Variants in FSHR observed in about 807,000 individuals in gnomAD.
FSHR encodes the protein follicle stimulating hormone receptor, also known as follicle-stimulating hormone receptor.
A neutral mutation model predicts 52.1 loss-of-function variants in FSHR; 46 were observed. The ratio of observed to expected loss-of-function variants is 0.88; its 90% CI spans 0.70 to 1.13. The LOEUF is 1.13. Ranked by LOEUF, FSHR falls within the 50% of genes most tolerant of loss-of-function variation. The pLI is 0.00. For missense variants in FSHR, 964 were observed against 834.6 expected (o/e 1.16, Z -1.91); for synonymous variants, 399 against 309.6 (o/e 1.29, Z -3.03).
rs1415334848 is a variant in FSHR, at chr2:48,968,974, G to A, written c.669-91C>T. ...CAGGCAAAATAGCAGACACACTAGTGATATTCTTACATGGATGAGGAGAGA... is the reference window on the plus strand; with the variant it reads ...CAGGCAAAATAGCAGACACACTAGTAATATTCTTACATGGATGAGGAGAGA... On this transcript the variant is annotated intron_variant, in intron 8 of 9. Coordinates refer to ENST00000406846, the MANE Select transcript of FSHR (RefSeq NM_000145.4). 5 of 1,142,430 alleles carry A rather than the reference G, an allele frequency of 4.4e-6. No homozygotes were observed. The African/African-American group carries it at 7.7e-5, about 18-fold the overall frequency. 70.8% of individuals were successfully genotyped at this position (1,142,430 alleles called of 1,614,324 possible).
intron 9 of FSHR, among the ~76,000 whole-genome samples, chr2:48,967,779 T>C (rs1020019165): frequency 3.9e-5 from 6 of 152,234 alleles, no homozygotes; most frequent in Non-Finnish European, 7.3e-5. Context: ...CATGGACTGG[T>C]CAATGTATGT....
chr2:49,094,354 T>A (rs1433456651), intron 1 of FSHR, among the ~76,000 whole-genome samples: 1 of 152,204 alleles, frequency 6.6e-6, no homozygotes, highest in Non-Finnish European at 1.5e-5. Flanking sequence ...AATACATATT[T>A]AAATAATTTA....
intron 2 of FSHR, among the ~76,000 whole-genome samples, chr2:49,051,612 G>T (rs1325242969): frequency 6.6e-6 from 1 of 151,896 alleles, no homozygotes; most frequent in Non-Finnish European, 1.5e-5. Flanking sequence ...ATGTATTGCA[G>T]ATATTTTCTC....
intron 1 of FSHR, among the ~76,000 whole-genome samples, chr2:49,141,412 T>C (rs575199092): frequency 6.6e-6 from 1 of 152,088 alleles, no homozygotes; most frequent in East Asian, 1.9e-4. Flanking sequence ...TAATGAAAGT[T>C]GAAGGAGGAA....
chr2:49,088,407 A>C (rs1670478293), intron 1 of FSHR, among the ~76,000 whole-genome samples: 1 of 152,260 alleles, frequency 6.6e-6, no homozygotes, highest in South Asian at 2.1e-4. Flanking sequence ...AAATTTTACC[A>C]GAAATTCTTC....
intron 4 of FSHR, among the ~76,000 whole-genome samples, chr2:49,014,020 C>A (rs2103399): frequency 1 from 152,110 of 152,192 alleles, 76,014 homozygotes; most frequent in Middle Eastern, 1. Flanking sequence ...CTGTCTGTAA[C>A]CCAGGAAGAG....
At chr2:48,983,599 G>A (rs773380647) in intron 6 of FSHR, among the ~76,000 whole-genome samples, 1 of 152,170 alleles carries the variant, frequency 6.6e-6, no homozygotes, top group Non-Finnish European at 1.5e-5. Flanking sequence ...CTTTCTCTAA[G>A]GCCTTAAGCC....
chr2:49,129,403 A>T (rs1672180921), intron 1 of FSHR, among the ~76,000 whole-genome samples: 1 of 152,188 alleles, frequency 6.6e-6, no homozygotes, highest in African/African-American at 2.4e-5. Context: ...TGGAATGCAG[A>T]TCTTCAGTAC....
intron 1 of FSHR, among the ~76,000 whole-genome samples, chr2:49,082,249 A>G (rs1670199644): frequency 2.0e-5 from 3 of 152,188 alleles, no homozygotes; most frequent in African/African-American, 7.2e-5. Context: ...GACACCTCAC[A>G]CAGCCGGGTA....
intron 4 of FSHR, among the ~76,000 whole-genome samples, chr2:49,011,619 T>A (rs4494797): frequency 0.64 from 96,752 of 151,960 alleles, 33,898 homozygotes; most frequent in East Asian, 0.77. Flanking sequence ...GTCTAAACAT[T>A]TGTTTTAACT....
chr2:49,052,569 G>A (rs1668905617), intron 2 of FSHR, among the ~76,000 whole-genome samples: 1 of 152,124 alleles, frequency 6.6e-6, no homozygotes, highest in Admixed American at 6.6e-5. Context: ...AGTTCTCCAG[G>A]GGATTCTAAA....
At chr2:49,031,606 T>G (rs1020684660) in intron 2 of FSHR, among the ~76,000 whole-genome samples, 1 of 152,190 alleles carries the variant, frequency 6.6e-6, no homozygotes, top group Non-Finnish European at 1.5e-5. Flanking sequence ...GCACTCTAGT[T>G]CCAGGGGTCT....
chr2:49,089,636 C>T (rs542626893), intron 1 of FSHR, among the ~76,000 whole-genome samples: 1 of 152,118 alleles, frequency 6.6e-6, no homozygotes, highest in Non-Finnish European at 1.5e-5. Flanking sequence ...AGGATCAAAA[C>T]CTTGCATTTA....
intron 1 of FSHR, among the ~76,000 whole-genome samples, chr2:49,152,708 A>G (rs1673107387): frequency 6.6e-6 from 1 of 152,142 alleles, no homozygotes; most frequent in African/African-American, 2.4e-5. Flanking sequence ...GAAACATTGG[A>G]AAAAGTGGAG....
At chr2:49,111,728 G>A (rs1225019522) in intron 1 of FSHR, among the ~76,000 whole-genome samples, 1 of 152,108 alleles carries the variant, frequency 6.6e-6, no homozygotes, top group Non-Finnish European at 1.5e-5. Context: ...TCTATTATGA[G>A]TTTTCACAGA....
At chr2:48,995,137 G>A (rs911488866) in intron 4 of FSHR, among the ~76,000 whole-genome samples, 4 of 152,096 alleles carry the variant, frequency 2.6e-5, no homozygotes, top group Admixed American at 2.6e-4. Flanking sequence ...AACAGGGTCT[G>A]TGTTTGCTTG....
At chr2:48,968,561 G>T in intron 9 of FSHR, 137 bp downstream of exon 9, 1 of 997,100 alleles carries the variant, frequency 1.0e-6, no homozygotes, top group Non-Finnish European at 1.5e-6. Context: ...CTGAATTTTT[G>T]ACCCAGAATG....
chr2:49,068,955 G>T (rs769353102), intron 1 of FSHR, among the ~76,000 whole-genome samples: 7 of 151,940 alleles, frequency 4.6e-5, no homozygotes, highest in Non-Finnish European at 7.4e-5. Context: ...CCTGGATTCT[G>T]CTTACTGATA....
chr2:48,992,125 C>T (rs558059340), intron 4 of FSHR, among the ~76,000 whole-genome samples: 4 of 151,858 alleles, frequency 2.6e-5, no homozygotes, highest in Admixed American at 6.6e-5. Flanking sequence ...TCTCCCTTTG[C>T]TTTTTATCCA....
Sources: allele counts gnomAD v4.1 joint callset (sites outside exome capture counted in the v4.1 genomes callset), GRCh38; gene constraint gnomAD v4.1.1; transcripts MANE v1.5; gene names NCBI Gene and HGNC (gene_info 2026-07-23, HGNC 2026-07-21).